DENND1A: variants seen among roughly 807,000 people sequenced by gnomAD.
DENND1A encodes DENN domain-containing protein 1A.
In DENND1A, 51 loss-of-function variants were observed where a neutral mutation model predicts 113.7. That is an observed-to-expected ratio of 0.45 (90% CI 0.36 to 0.57). The LOEUF (loss-of-function observed/expected upper bound fraction) is 0.57. DENND1A is among the 20% of genes least tolerant of loss of function. DENND1A has a pLI of 0.00. For missense variants in DENND1A, 1,258 were observed against 1,395.9 expected (o/e 0.90, Z 1.57); for synonymous variants, 565 against 570.8 (o/e 0.99, Z 0.14).
At chr9:123,723,369 A>G (rs1393332230) in intron 5 of DENND1A, among the ~76,000 whole-genome samples, 1 of 152,196 alleles carries the variant, frequency 6.6e-6, no homozygotes, top group Non-Finnish European at 1.5e-5. Flanking sequence ...GTTAATGATG[A>G]AATCAGTTAA....
intron 13 of DENND1A, among the ~76,000 whole-genome samples, chr9:123,483,200 G>A (rs1021251345): frequency 6.6e-6 from 1 of 152,158 alleles, no homozygotes; most frequent in South Asian, 2.1e-4. Context: ...GCTTTGGAGA[G>A]GCAAGTAGGA....
At chr9:123,912,146 C>T (rs577958726) in intron 1 of DENND1A, among the ~76,000 whole-genome samples, 1 of 152,174 alleles carries the variant, frequency 6.6e-6, no homozygotes, top group South Asian at 2.1e-4. Context: ...GTGTACTTTA[C>T]TGTATGTAAA....
intron 13 of DENND1A, among the ~76,000 whole-genome samples, chr9:123,506,360 G>T (rs182446489): frequency 5.3e-5 from 8 of 152,154 alleles, no homozygotes; most frequent in African/African-American, 1.7e-4. Context: ...GAAGTGGGCG[G>T]ATCACTAGGT....
At position 123,899,689 on chromosome 9, in the gene DENND1A, T is replaced by C. The variant is rs10986129; in HGVS notation, c.18-20668A>G. On this transcript the variant is annotated intron_variant, in intron 1 of 23. Coordinates refer to ENST00000394215, the MANE Select transcript of DENND1A (RefSeq NM_001352964.2). ...AGGTACTTCATCACCTGAACATGCT[T>C]GAGTACCACTGAACTAATAATTTGC... 1.3e-3 allele frequency among the ~76,000 whole-genome samples: 191 copies of C among 152,322 alleles called. 4 individuals carry two copies. In the East Asian group the frequency reaches 0.02, roughly 16 times the overall value.
intron 13 of DENND1A, among the ~76,000 whole-genome samples, chr9:123,554,035 C>A (rs541505149): frequency 2.0e-5 from 3 of 152,242 alleles, no homozygotes; most frequent in African/African-American, 7.2e-5. Context: ...GGATTATAGG[C>A]GTGAGCCAAT....
chr9:123,532,481 G>A (rs181967755), intron 13 of DENND1A, among the ~76,000 whole-genome samples: 2 of 152,316 alleles, frequency 1.3e-5, no homozygotes, highest in Admixed American at 1.3e-4. Context: ...GTACAGGCCA[G>A]CTATTTTGTA....
At chr9:123,537,534 T>G (rs981221614) in intron 13 of DENND1A, among the ~76,000 whole-genome samples, 7 of 151,668 alleles carry the variant, frequency 4.6e-5, no homozygotes. Flanking sequence ...TCAAGAAAAG[T>G]TTCCTGAAAT....
Position 123,382,190 on chromosome 9 carries a change from G to GGAC in DENND1A, c.2452_2454dup (p.Val818dup). ...TGGAGCAGTTCAGTGGGGCCTTGGG[G>GGAC]GACAACACCAGGCAGGAGCCCTGGA... On this transcript the variant is annotated inframe_insertion, in exon 24 of 24. Transcript: ENST00000394215. 6.2e-7 allele frequency: 1 copy of GGAC among 1,609,756 alleles called. No individual in the cohort carries two copies. The highest frequency in any genetic ancestry group is 8.5e-7 in the Non-Finnish European group (1 of 1,179,496).
intron 8 of DENND1A, among the ~76,000 whole-genome samples, chr9:123,658,375 T>A (rs190742012): frequency 2.2e-4 from 33 of 152,342 alleles, no homozygotes; most frequent in African/African-American, 7.5e-4. Flanking sequence ...GACTTTTTTT[T>A]AAATGCAGGT....
intron 12 of DENND1A, among the ~76,000 whole-genome samples, chr9:123,561,290 C>T (rs968256422): frequency 1.1e-4 from 16 of 152,150 alleles, no homozygotes; most frequent in Admixed American, 1.3e-4. Flanking sequence ...AAGAAGGAGT[C>T]GTTGATTGTA....
intron 12 of DENND1A, among the ~76,000 whole-genome samples, chr9:123,573,256 C>T (rs2058456979): frequency 6.6e-6 from 1 of 152,026 alleles, no homozygotes. Flanking sequence ...ATTGTTTTGG[C>T]TATTCTAGAT....
At chr9:123,805,837 T>C (rs1483164807) in intron 2 of DENND1A, among the ~76,000 whole-genome samples, 1 of 152,232 alleles carries the variant, frequency 6.6e-6, no homozygotes, top group African/African-American at 2.4e-5. Flanking sequence ...CAATCTGTGG[T>C]TTGGCATCAC....
Position 123,917,954 on chromosome 9 carries a change from C to CA in DENND1A, c.17+11934dup, listed in dbSNP as rs1225330562. Among the ~76,000 whole-genome samples, 303 of 142,040 alleles carry CA rather than the reference C, an allele frequency of 2.1e-3. 1 individual carries two copies. The highest frequency in any genetic ancestry group is 3.6e-3 in the Non-Finnish European group (233 of 64,484). 93.2% of individuals were successfully genotyped at this position (142,040 alleles called of 152,430 possible). A position where few individuals can be genotyped will look rare whatever the true frequency, so the allele number is the denominator to read the frequency against. On this transcript the variant is annotated intron_variant, in intron 1 of 23. Transcript: ENST00000394215. ...TGAAACCCCATCTCTACTAAAAATA[C>CA]AAAAAAAAAATTAGCCGGGCGTGGT...
chr9:123,469,008 A>C (rs952579510), intron 13 of DENND1A, among the ~76,000 whole-genome samples: 1 of 152,178 alleles, frequency 6.6e-6, no homozygotes, highest in East Asian at 1.9e-4. Flanking sequence ...CCCTGAGCCC[A>C]CACACACTCC....
intron 1 of DENND1A, among the ~76,000 whole-genome samples, chr9:123,915,776 G>A (rs1854987212): frequency 6.6e-6 from 1 of 152,084 alleles, no homozygotes; most frequent in African/African-American, 2.4e-5. Flanking sequence ...GGAAGAATAG[G>A]GTAGAGGATT....
Position 123,786,474 on chromosome 9 carries a change from T to C in DENND1A, c.132+6113A>G, listed in dbSNP as rs144988770. 8.8e-4 allele frequency among the ~76,000 whole-genome samples: 134 copies of C among 152,306 alleles called. 1 individual carries two copies. The East Asian group carries it at 0.021, about 23-fold the overall frequency. Reference sequence around the variant, plus strand: ...ACAAAACATCCTAGACATGCATTACTCTATAGCCTACTAGGCAGTAAGTTC... The same window carrying C: ...ACAAAACATCCTAGACATGCATTACCCTATAGCCTACTAGGCAGTAAGTTC... On this transcript the variant is annotated intron_variant, in intron 3 of 23. Coordinates refer to ENST00000394215, the MANE Select transcript of DENND1A (RefSeq NM_001352964.2).
rs570383666 is a variant in DENND1A, at chr9:123,380,680, C to G, written c.*752G>C. On this transcript the variant is annotated 3_prime_UTR_variant, in exon 24 of 24. Transcript: ENST00000394215. ...GCCAGAGCTGGATGAGGGCTGGGGG[C>G]TCCTCCCAAAATACTCAGATGGGGG... is the stretch of plus-strand genomic sequence containing the variant. 1.9e-4 allele frequency: 29 copies of G among 152,558 alleles called. No homozygotes were observed. The highest frequency in any genetic ancestry group is 5.5e-4 in the African/African-American group (23 of 41,522). The allele number at this position is 152,558 out of a possible 1,614,324, so 9.5% of individuals were successfully genotyped here.
chr9:123,719,621 T>C lies in DENND1A; in HGVS notation c.302+38082A>G, dbSNP rs535643021. Among the ~76,000 whole-genome samples, 6 of 151,868 alleles carry C rather than the reference T, an allele frequency of 4.0e-5. No individual in the cohort carries two copies. The South Asian group carries it at 1.3e-3, about 32-fold the overall frequency. On this transcript the variant is annotated intron_variant, in intron 5 of 23. Transcript: ENST00000394215. Reference sequence around the variant, plus strand: ...CTGAAATGCCTGGGACCAGAAGTGTTAAAGGTTTTCAGATTTTTTTTTTTT... The same window carrying C: ...CTGAAATGCCTGGGACCAGAAGTGTCAAAGGTTTTCAGATTTTTTTTTTTT...
chr9:123,538,526 C>G (rs1028890827), intron 13 of DENND1A, among the ~76,000 whole-genome samples: 1 of 151,832 alleles, frequency 6.6e-6, no homozygotes, highest in African/African-American at 2.4e-5. Flanking sequence ...CTTGTAATAT[C>G]AGATAGCAAG....
Sources: gnomAD v4.1 joint callset for allele counts (sites outside exome capture counted in the v4.1 genomes callset) on GRCh38, gnomAD v4.1.1 for gene constraint, MANE v1.5 for transcripts, NCBI Gene and HGNC (gene_info 2026-07-23, HGNC 2026-07-21) for gene names.